Variants in MYO10 observed in about 807,000 individuals in gnomAD.
MYO10 encodes myosin X.
In MYO10, 133 loss-of-function variants were observed where a neutral mutation model predicts 257.3. The observed-to-expected ratio is 0.52, with a 90% CI of 0.45 to 0.60. MYO10 has a LOEUF of 0.60. Ranked by LOEUF, MYO10 falls within the 20% of genes least tolerant of loss-of-function variation. The pLI is 0.00. For synonymous variants in MYO10, 1,104 were observed against 1,028.6 expected (o/e 1.07, Z -1.40); for missense variants, 2,399 against 2,635.7 (o/e 0.91, Z 1.97).
At chr5:16,732,590 T>C (rs1739628197) in intron 19 of MYO10, among the ~76,000 whole-genome samples, 1 of 152,228 alleles carries the variant, frequency 6.6e-6, no homozygotes, top group Non-Finnish European at 1.5e-5. Context: ...TTTGTAGATG[T>C]TGCCAAGGAG....
chr5:16,799,198 G>A (rs887389015), intron 3 of MYO10, among the ~76,000 whole-genome samples: 1 of 129,938 alleles, frequency 7.7e-6, no homozygotes, highest in African/African-American at 2.7e-5. Context: ...ACTAGCCATA[G>A]AGCATCCTTT....
chr5:16,663,555 T>C lies in MYO10; in HGVS notation c.*3137A>G, dbSNP rs1032010621. On this transcript the variant is annotated 3_prime_UTR_variant, in exon 41 of 41. Coordinates refer to ENST00000513610, the MANE Select transcript of MYO10 (RefSeq NM_012334.3). Reference sequence around the variant, plus strand: ...AGATAGAAAATATTTGAAAAAACTTTTTTTGGTGGGGCACAGTGGCTCACA... The same window carrying C: ...AGATAGAAAATATTTGAAAAAACTTCTTTTGGTGGGGCACAGTGGCTCACA... 2.0e-5 allele frequency: 3 copies of C among 151,774 alleles called. No individual in the cohort carries two copies. The highest frequency in any genetic ancestry group is 7.3e-5 in the African/African-American group (3 of 41,288). 9.4% of individuals were successfully genotyped at this position (151,774 alleles called of 1,614,324 possible). A position where few individuals can be genotyped will look rare whatever the true frequency, so the allele number is the denominator to read the frequency against.
chr5:16,875,523 G>A lies in MYO10; in HGVS notation c.120+2086C>T, dbSNP rs184167420. ...TGTTGGTGAAGTGTCCACACTGTCA[G>A]TGACCATTAGACATGCTGTCTCTTT... is the stretch of plus-strand genomic sequence containing the variant. On this transcript the variant is annotated intron_variant, in intron 2 of 40. Coordinates refer to ENST00000513610, the MANE Select transcript of MYO10 (RefSeq NM_012334.3). 1.6e-4 allele frequency among the ~76,000 whole-genome samples: 25 copies of A among 152,288 alleles called. No homozygotes were observed. The East Asian group carries it at 4.6e-3, about 28-fold the overall frequency.
chr5:16,699,637 C>T, intron 25 of MYO10, 64 bp from the exon 26 acceptor site: 2 of 1,598,104 alleles, frequency 1.3e-6, no homozygotes, highest in Non-Finnish European at 1.7e-6. Flanking sequence ...CGAAGATACC[C>T]AGCATGTATC....
chr5:16,735,285 G>A (rs1341562161), intron 19 of MYO10, among the ~76,000 whole-genome samples: 3 of 152,126 alleles, frequency 2.0e-5, no homozygotes, highest in East Asian at 1.9e-4. Context: ...GTAGAAAAAC[G>A]CCCAGGTTAA....
chr5:16,879,316 T>C (rs989663229), intron 1 of MYO10, among the ~76,000 whole-genome samples: 1 of 152,224 alleles, frequency 6.6e-6, no homozygotes, highest in Non-Finnish European at 1.5e-5. Flanking sequence ...TTATGGTATG[T>C]TCCACTTCTA....
intron 18 of MYO10, among the ~76,000 whole-genome samples, chr5:16,755,324 C>A (rs1740497366): frequency 6.6e-6 from 1 of 152,202 alleles, no homozygotes; most frequent in African/African-American, 2.4e-5. Context: ...CGCCACCATG[C>A]CCGGAGAATT....
rs184558314 is a variant in MYO10 at position 16,752,857 on chromosome 5, C to T, written c.1929+1971G>A. 3.4e-3 allele frequency among the ~76,000 whole-genome samples: 516 copies of T among 152,232 alleles called. 5 individuals are homozygous for T. The highest frequency in any genetic ancestry group is 0.012 in the African/African-American group (490 of 41,544). The stretch of plus-strand genomic sequence containing the variant: ...AACTATTAATTTCCTACACTATGTC[C>T]CCAAAAAAGCTATGCATTTTTTTAT... On this transcript the variant is annotated intron_variant, in intron 19 of 40. Transcript: ENST00000513610.
chr5:16,725,078 CTTTT>C (rs34100971), intron 19 of MYO10, among the ~76,000 whole-genome samples: 202 of 74,890 alleles, frequency 2.7e-3, no homozygotes, highest in African/African-American at 9.6e-3. Context: ...CCTTCTTCTT[CTTTT>C]TTTTTTTTTT....
At chr5:16,702,326 G>C (rs1181467157) in intron 24 of MYO10, among the ~76,000 whole-genome samples, 1 of 152,210 alleles carries the variant, frequency 6.6e-6, no homozygotes, top group Non-Finnish European at 1.5e-5. Flanking sequence ...TACCGATTTA[G>C]AGAAATTATA....
chr5:16,706,419 C>T (rs889019080), intron 21 of MYO10, among the ~76,000 whole-genome samples: 2 of 152,074 alleles, frequency 1.3e-5, no homozygotes, highest in Non-Finnish European at 2.9e-5. Flanking sequence ...ATATCAAAAT[C>T]ACGTAGCAAA....
intron 19 of MYO10, among the ~76,000 whole-genome samples, chr5:16,735,032 C>A (rs1324231983): frequency 6.6e-6 from 1 of 152,172 alleles, no homozygotes; most frequent in Non-Finnish European, 1.5e-5. Context: ...AACCAATGAC[C>A]TGTGGCTGGT....
Position 16,689,923 on chromosome 5 carries a change from C to A in MYO10, c.3801-4G>T, listed in dbSNP as rs1322627548. Reference sequence around the variant, plus strand: ...GGTGGTGTTATCTATGATCTCTCTGCAAAGAAGCAAAAGCAACAAACGCAC... The same window carrying A: ...GGTGGTGTTATCTATGATCTCTCTGAAAAGAAGCAAAAGCAACAAACGCAC... On this transcript the variant is annotated splice_polypyrimidine_tract_variant and splice_region_variant and intron_variant, in intron 27 of 40. Transcript: ENST00000513610. The A allele has an allele frequency of 6.2e-7, 1 of 1,604,834 alleles. No individual in the cohort carries two copies. Among genetic ancestry groups the A allele is most frequent in the Admixed American group, 1.7e-5 (1 of 59,968 alleles).
intron 26 of MYO10, 137 bp from the exon 27 acceptor site, chr5:16,694,751 G>C: frequency 8.8e-7 from 1 of 1,131,206 alleles, no homozygotes; most frequent in Non-Finnish European, 1.3e-6. Flanking sequence ...AGACCCCTCA[G>C]TGAGGAGTGG....
At chr5:16,847,020 C>T (rs1225472411) in intron 2 of MYO10, among the ~76,000 whole-genome samples, 2 of 151,846 alleles carry the variant, frequency 1.3e-5, no homozygotes, top group Non-Finnish European at 2.9e-5. Context: ...CGGGAGGTTA[C>T]GGCACAAGAA....
Position 16,763,500 on chromosome 5 carries a change from C to T in MYO10, c.1475G>A (p.Cys492Tyr). The change falls in exon 14 of 41, where the codon TGC becomes TAC. Residue 492 changes from cysteine to tyrosine, a missense_variant. Cys to Tyr is a radical substitution (Grantham distance 194). Coordinates refer to ENST00000513610, the MANE Select transcript of MYO10 (RefSeq NM_012334.3). ...EDIDWIDNGE[C>Y]LDLIEKKLGL... The stretch of plus-strand genomic sequence containing the variant: ...CATTACCTTCTCAATCAAGTCCAGG[C>T]ATTCTCCATTGTCTATCCAGTCAAT... The T allele has an allele frequency of 6.2e-7, 1 of 1,612,296 alleles. No individual in the cohort carries two copies. The highest frequency in any genetic ancestry group is 8.5e-7 in the Non-Finnish European group (1 of 1,178,418).
intron 19 of MYO10, among the ~76,000 whole-genome samples, chr5:16,731,903 T>G (rs1028779846): frequency 6.6e-6 from 1 of 152,066 alleles, no homozygotes; most frequent in Admixed American, 6.6e-5. Flanking sequence ...TTTTTTAGTA[T>G]GCATGCTATG....
rs73053081 is a variant in MYO10, at chr5:16,781,061, G to A, written c.728-320C>T. ...TATCAGAGATTTATAAAACAAATAC[G>A]GTTCTTTATTTCACAGAATTTTTTT... On this transcript the variant is annotated intron_variant, in intron 6 of 40. Coordinates refer to ENST00000513610, the MANE Select transcript of MYO10 (RefSeq NM_012334.3). 7.2e-3 allele frequency among the ~76,000 whole-genome samples: 1,091 copies of A among 151,650 alleles called. 19 individuals are homozygous for A. The highest frequency in any genetic ancestry group is 0.025 in the African/African-American group (1,036 of 41,384).
chr5:16,792,710 C>T (rs1560987369), intron 4 of MYO10, among the ~76,000 whole-genome samples: 1 of 152,168 alleles, frequency 6.6e-6, no homozygotes, highest in African/African-American at 2.4e-5. Context: ...TGGCTATACC[C>T]ATGACCAGGT....
Sources: gnomAD v4.1 joint callset for allele counts (sites outside exome capture counted in the v4.1 genomes callset) on GRCh38, gnomAD v4.1.1 for gene constraint, MANE v1.5 for transcripts, NCBI Gene and HGNC (gene_info 2026-07-23, HGNC 2026-07-21) for gene names.